The following SPOCK1 variants were observed in gnomAD, a reference collection of about 807,000 sequenced individuals.
SPOCK1 encodes testican-1.
Under a neutral mutation model 55.3 loss-of-function variants are expected in SPOCK1, and 23 were observed. The observed-to-expected ratio is 0.42, with a 90% confidence interval of 0.30 to 0.59. The LOEUF is 0.59. SPOCK1 is among the 20% of genes least tolerant of loss of function. SPOCK1 has a pLI of 0.22. For synonymous variants in SPOCK1, 226 were observed against 221.0 expected, an observed-to-expected ratio of 1.02 and a Z score of -0.20; for missense variants, 499 against 552.5, an observed-to-expected ratio of 0.90 and a Z score of 0.97.
At chr5:137,283,060 C>T (rs1757195781) in intron 2 of SPOCK1, among the ~76,000 whole-genome samples, 1 of 152,216 alleles carries the variant, frequency 6.6e-6, no homozygotes, top group Non-Finnish European at 1.5e-5. Context: ...GGAAAGTCCT[C>T]AGGTAAGGAT....
At chr5:137,009,719 A>G (rs1751315935) in intron 6 of SPOCK1, among the ~76,000 whole-genome samples, 1 of 152,148 alleles carries the variant, frequency 6.6e-6, no homozygotes, top group Admixed American at 6.5e-5. Flanking sequence ...AATAATTCCT[A>G]AATGCAGGAT....
At chr5:137,149,945 G>A (rs1442889063) in intron 3 of SPOCK1, among the ~76,000 whole-genome samples, 3 of 152,184 alleles carry the variant, frequency 2.0e-5, no homozygotes, top group African/African-American at 7.2e-5. Flanking sequence ...GAGATGTTGT[G>A]AGGATCTGAT....
intron 3 of SPOCK1, among the ~76,000 whole-genome samples, chr5:137,161,007 G>GATATAT (rs34405933): frequency 3.5e-5 from 5 of 142,094 alleles, no homozygotes; most frequent in African/African-American, 5.1e-5. Flanking sequence ...GAAACTGTGA[G>GATATAT]ATATATATAT....
chr5:137,142,601 AG>A (rs1754120727), intron 3 of SPOCK1, among the ~76,000 whole-genome samples: 1 of 152,238 alleles, frequency 6.6e-6, no homozygotes, highest in African/African-American at 2.4e-5. Context: ...AGAAAGAAAC[AG>A]GCTGTGAGAT....
intron 3 of SPOCK1, among the ~76,000 whole-genome samples, chr5:137,237,977 G>A (rs773659032): frequency 6.6e-6 from 1 of 152,164 alleles, no homozygotes; most frequent in Non-Finnish European, 1.5e-5. Context: ...ATACATCATG[G>A]TGGTTGAGAA....
chr5:137,148,934 T>C (rs1334167402), intron 3 of SPOCK1, among the ~76,000 whole-genome samples: 2 of 152,136 alleles, frequency 1.3e-5, no homozygotes, highest in African/African-American at 4.8e-5. Context: ...CACACCCCTC[T>C]GTCCACCTTC....
chr5:137,215,540 C>T (rs1755700482), intron 3 of SPOCK1, among the ~76,000 whole-genome samples: 1 of 152,186 alleles, frequency 6.6e-6, no homozygotes, highest in African/African-American at 2.4e-5. Flanking sequence ...GATAATTTTA[C>T]ACATTTTTTA....
chr5:137,474,031 G>C (rs1753787394), intron 2 of SPOCK1, among the ~76,000 whole-genome samples: 1 of 152,200 alleles, frequency 6.6e-6, no homozygotes, highest in African/African-American at 2.4e-5. Context: ...ATATGTGGGA[G>C]CTAAGCTGTG....
At chr5:136,985,362 G>A (rs1750818915) in intron 8 of SPOCK1, among the ~76,000 whole-genome samples, 160 bp from the exon 9 acceptor site, 1 of 152,166 alleles carries the variant, frequency 6.6e-6, no homozygotes, top group Non-Finnish European at 1.5e-5. Flanking sequence ...GGCCATTAGT[G>A]TTACTAGTTA....
intron 6 of SPOCK1, among the ~76,000 whole-genome samples, chr5:137,041,949 G>A (rs543559919): frequency 1.3e-5 from 2 of 152,210 alleles, no homozygotes; most frequent in East Asian, 3.9e-4. Flanking sequence ...GCACTCCTAA[G>A]TATTTACCCA....
Position 136,978,088 on chromosome 5 carries a change from C to CTGTT in SPOCK1, c.*562_*565dup. ...AAAGGGAGTCTTGACTGAATTAAGGCTGTTGTTTATAGGAAGCCAGATATA... is the reference window on the plus strand; with the variant it reads ...AAAGGGAGTCTTGACTGAATTAAGGCTGTTTGTTGTTTATAGGAAGCCAGATATA... On this transcript the variant is annotated 3_prime_UTR_variant, in exon 11 of 11. Transcript: ENST00000394945. 2.5e-6 allele frequency: 1 copy of CTGTT among 397,294 alleles called. No individual in the cohort carries two copies. The highest frequency in any genetic ancestry group is 4.4e-6 in the Non-Finnish European group (1 of 225,564). The allele number at this position is 397,294 out of a possible 1,614,324, so 24.6% of individuals were successfully genotyped here.
intron 3 of SPOCK1, among the ~76,000 whole-genome samples, chr5:137,156,092 T>G (rs1168675925): frequency 1.3e-5 from 2 of 152,080 alleles, no homozygotes; most frequent in African/African-American, 4.8e-5. Context: ...CCAGATAGGG[T>G]AGCACCACAA....
At chr5:137,142,063 G>T (rs181640382) in intron 3 of SPOCK1, among the ~76,000 whole-genome samples, 4 of 152,270 alleles carry the variant, frequency 2.6e-5, no homozygotes, top group Admixed American at 2.6e-4. Flanking sequence ...GGGGCCTAAA[G>T]CCTATTAAGC....
intron 6 of SPOCK1, among the ~76,000 whole-genome samples, chr5:137,021,075 A>G (rs1247646622): frequency 6.6e-6 from 1 of 152,164 alleles, no homozygotes; most frequent in Admixed American, 6.5e-5. Context: ...AATCATTTGT[A>G]CACATACACC....
At chr5:137,430,850 A>G (rs1392028861) in intron 2 of SPOCK1, among the ~76,000 whole-genome samples, 1 of 152,204 alleles carries the variant, frequency 6.6e-6, no homozygotes, top group African/African-American at 2.4e-5. Flanking sequence ...CTTTCACTGC[A>G]GAGATGGCAG....
chr5:137,269,839 C>G (rs548963589), intron 2 of SPOCK1, among the ~76,000 whole-genome samples: 1 of 152,272 alleles, frequency 6.6e-6, no homozygotes, highest in Admixed American at 6.5e-5. Flanking sequence ...GTCAGTGGTC[C>G]TGAACCAACA....
intron 2 of SPOCK1, among the ~76,000 whole-genome samples, chr5:137,379,370 G>A (rs569737599): frequency 1.3e-5 from 2 of 152,196 alleles, no homozygotes; most frequent in African/African-American, 4.8e-5. Context: ...CTTCAAACAC[G>A]AGAGATCAAA....
chr5:137,230,913 T>C (rs962834999), intron 3 of SPOCK1, among the ~76,000 whole-genome samples: 1 of 152,374 alleles, frequency 6.6e-6, no homozygotes, highest in Admixed American at 6.5e-5. Flanking sequence ...TATAACTGTA[T>C]TTGCACTATT....
chr5:137,156,917 T>C (rs182311799), intron 3 of SPOCK1, among the ~76,000 whole-genome samples: 21 of 152,290 alleles, frequency 1.4e-4, no homozygotes, highest in African/African-American at 4.6e-4. Flanking sequence ...CCAGCCCATA[T>C]AATGCTTTTA....
Sources: gnomAD v4.1 joint callset for allele counts (sites outside exome capture counted in the v4.1 genomes callset) on GRCh38, gnomAD v4.1.1 for gene constraint, MANE v1.5 for transcripts, NCBI Gene and HGNC (gene_info 2026-07-23, HGNC 2026-07-21) for gene names.